TMBIM1: variants seen among roughly 807,000 people sequenced by gnomAD.
The protein encoded by TMBIM1 is protein lifeguard 3.
A neutral mutation model predicts 45.1 loss-of-function variants in TMBIM1; 34 were observed. That is an observed-to-expected ratio of 0.75 (90% CI 0.57 to 1.00). The LOEUF (loss-of-function observed/expected upper bound fraction) is 1.00, where lower values mean the gene tolerates loss of function less well. Among genes scored for constraint, TMBIM1 ranks in the 50% least tolerant of loss-of-function variants. The pLI, the probability that TMBIM1 is intolerant of heterozygous loss-of-function variation, is 0.00. For synonymous variants in TMBIM1, 157 were observed against 153.5 expected, an observed-to-expected ratio of 1.02 and a Z score of -0.17; for missense variants, 374 against 402.4, an observed-to-expected ratio of 0.93 and a Z score of 0.60.
Position 218,279,327 on chromosome 2 carries a change from C to T in TMBIM1, c.330G>A (p.Leu110=). The T allele has an allele frequency of 6.3e-7, 1 of 1,588,460 alleles. No homozygotes were observed. The highest frequency in any genetic ancestry group is 8.6e-7 in the Non-Finnish European group (1 of 1,167,496). ...TAGCAATGATGGCCACAGTGATGAG[C>T]AGCTGCACGGAGATGATGGAGTAAA... ...RKVYSIISVQ[L]LITVAIIAIF... is the part of the protein sequence containing the mutation. Residue 110 remains leucine, a synonymous_variant, in exon 4 of 12, where the codon CTG becomes CTA. Coordinates refer to ENST00000258412, the MANE Select transcript of TMBIM1 (RefSeq NM_022152.6).
In TMBIM1 at chr2:218,282,057, G is replaced by T. The variant is rs752433040; in HGVS notation, c.85C>A (p.Pro29Thr). 3.1e-6 allele frequency: 5 copies of T among 1,599,722 alleles called. No individual in the cohort carries two copies. The Admixed American group carries it at 8.7e-5, about 28-fold the overall frequency. The change falls in exon 2 of 12, where the codon CCA becomes ACA. Residue 29 changes from proline (P) to threonine (T), a missense_variant. Coordinates refer to ENST00000258412, the MANE Select transcript of TMBIM1 (RefSeq NM_022152.6). Reference sequence around the variant, plus strand: ...GGATACCCTCCTGGCAGGACAGATGGCTGCCCATAGCCCCCAGGGGGCGGA... The same window carrying T: ...GGATACCCTCCTGGCAGGACAGATGTCTGCCCATAGCCCCCAGGGGGCGGA... ...GPPPPGGYGQ[P>T]SVLPGGYPAY...
intron 1 of TMBIM1, among the ~76,000 whole-genome samples, chr2:218,283,479 T>C (rs1692230764): frequency 6.6e-6 from 1 of 152,104 alleles, no homozygotes; most frequent in Non-Finnish European, 1.5e-5. Context: ...AGAGGGCCCC[T>C]GCATCCCCAG....
In TMBIM1 at chr2:218,282,195, G is replaced by T; in HGVS notation, c.-40-14C>A. 1 of 1,374,386 alleles carries T rather than the reference G, an allele frequency of 7.3e-7. No individual in the cohort carries two copies. The highest frequency in any genetic ancestry group is 9.6e-7 in the Non-Finnish European group (1 of 1,040,780). 85.1% of individuals were successfully genotyped at this position (1,374,386 alleles called of 1,614,324 possible). A position where few individuals can be genotyped will look rare whatever the true frequency, so the allele number is the denominator to read the frequency against. On this transcript the variant is annotated splice_polypyrimidine_tract_variant and intron_variant, in intron 1 of 11. Coordinates refer to ENST00000258412, the MANE Select transcript of TMBIM1 (RefSeq NM_022152.6). ...AGCTGCTGGGACCTGAAATGGGAGA[G>T]GAGAAAAGCAATCGTGAATGCCCAG... is the stretch of plus-strand genomic sequence containing the variant.
At position 218,280,226 on chromosome 2, in the gene TMBIM1, A is replaced by C. The variant is rs192562935; in HGVS notation, c.203-100T>G. 3.8e-4 allele frequency: 333 copies of C among 869,864 alleles called. 1 individual carries two copies. In the African/African-American group the frequency reaches 5.1e-3, roughly 13 times the overall value. The allele number at this position is 869,864 out of a possible 1,614,324, so 53.9% of individuals were successfully genotyped here. On this transcript the variant is annotated intron_variant, in intron 2 of 11. Coordinates refer to ENST00000258412, the MANE Select transcript of TMBIM1 (RefSeq NM_022152.6). ...CTCAAAGTCTCAGGGATCTCCAGCCAAAAGACAAGTGTTATAACAGGAACT... is the reference window on the plus strand; with the variant it reads ...CTCAAAGTCTCAGGGATCTCCAGCCCAAAGACAAGTGTTATAACAGGAACT...
chr2:218,278,817 G>T (rs570943410), intron 5 of TMBIM1, among the ~76,000 whole-genome samples: 27 of 152,342 alleles, frequency 1.8e-4, no homozygotes, highest in Non-Finnish European at 3.1e-4. Flanking sequence ...GCAGCGCAGC[G>T]TGCACGCCAC....
intron 1 of TMBIM1, among the ~76,000 whole-genome samples, chr2:218,285,124 T>G (rs1692403514): frequency 1.3e-5 from 2 of 152,264 alleles, no homozygotes; most frequent in South Asian, 4.1e-4. Context: ...CATAAAGTGC[T>G]TAGAATGAAA....
intron 5 of TMBIM1, 143 bp downstream of exon 5, chr2:218,278,895 C>T (rs1395920174): frequency 2.0e-5 from 19 of 929,010 alleles, no homozygotes; most frequent in Non-Finnish European, 2.6e-5. Flanking sequence ...CGCACACCCA[C>T]ACCCTCTGGC....
rs1691726750 is a variant in TMBIM1 at position 218,280,109 on chromosome 2, C to T, written c.220G>A (p.Asp74Asn). The stretch of plus-strand genomic sequence containing the variant: ...TCACTCACTGCTCTCTCCTCCCCAT[C>T]ATAGCCATGGCCTGGGCCTAGGGAC... The part of the protein sequence containing the change: ...PMNYGPGHGY[D>N]GEERAVSDSF... The change falls in exon 3 of 12, where the codon GAT (aspartate) becomes AAT (asparagine). Residue 74 changes from aspartate (D) to asparagine (N), a missense_variant. Transcript: ENST00000258412. 1.9e-6 allele frequency: 3 copies of T among 1,614,126 alleles called. No individual in the cohort carries two copies. The highest frequency in any genetic ancestry group is 2.5e-6 in the Non-Finnish European group (3 of 1,179,932).
chr2:218,278,411 A>C (rs917720659), intron 6 of TMBIM1, 104 bp downstream of exon 6: 7 of 1,192,194 alleles, frequency 5.9e-6, no homozygotes, highest in Non-Finnish European at 8.7e-6. Context: ...CATTTCTTGT[A>C]AGTTTCCATT....
chr2:218,284,022 G>A (rs1692280137), intron 1 of TMBIM1: 2 of 152,182 alleles, frequency 1.3e-5, no homozygotes, highest in African/African-American at 4.8e-5. Context: ...AAATTAGCCA[G>A]GCATGGTGGC....
At chr2:218,291,256 C>T (rs539878127) in intron 1 of TMBIM1, among the ~76,000 whole-genome samples, 1 of 152,300 alleles carries the variant, frequency 6.6e-6, no homozygotes, top group Non-Finnish European at 1.5e-5. Flanking sequence ...TGTGGTCCTG[C>T]CTCTTCCATT....
At chr2:218,286,698 G>C (rs1207985562) in intron 1 of TMBIM1, 1 of 152,318 alleles carries the variant, frequency 6.6e-6, no homozygotes, top group Non-Finnish European at 1.5e-5. Flanking sequence ...GCTCTCCTGG[G>C]GGTATTTGAA....
chr2:218,290,906 G>T (rs1692888965), intron 1 of TMBIM1, among the ~76,000 whole-genome samples: 1 of 152,226 alleles, frequency 6.6e-6, no homozygotes, highest in Non-Finnish European at 1.5e-5. Flanking sequence ...GTTGTTAGCA[G>T]AACTTCTTCC....
At chr2:218,289,980 T>C (rs1241342125) in intron 1 of TMBIM1, 1 of 152,126 alleles carries the variant, frequency 6.6e-6, no homozygotes. Flanking sequence ...GTTCATGAAC[T>C]AGCTGCAGGA....
intron 1 of TMBIM1, among the ~76,000 whole-genome samples, chr2:218,289,610 C>A (rs1692793605): frequency 8.0e-6 from 1 of 125,424 alleles, no homozygotes; most frequent in African/African-American, 3.0e-5. Context: ...CCACTGCACT[C>A]CAGCCTGGGC....
At chr2:218,285,685 TAG>T in intron 1 of TMBIM1, 1 of 152,454 alleles carries the variant, frequency 6.6e-6, no homozygotes, top group Middle Eastern at 3.4e-3. Context: ...GCTGTCTACA[TAG>T]AGAGACCTGG....
In TMBIM1 at chr2:218,275,226, A is replaced by G. The variant is rs1691074506; in HGVS notation, c.*249T>C. ...GTGTCATACAGTAGGTGGCGGGGAGAAGACACATCTTCAGCCTAGTCCCTG... is the reference window on the plus strand; with the variant it reads ...GTGTCATACAGTAGGTGGCGGGGAGGAGACACATCTTCAGCCTAGTCCCTG... On this transcript the variant is annotated 3_prime_UTR_variant, in exon 12 of 12. Transcript: ENST00000258412. The G allele has an allele frequency of 2.5e-6, 1 of 393,456 alleles. No homozygotes were observed. Among genetic ancestry groups the G allele is most frequent in the Non-Finnish European group, 4.5e-6 (1 of 222,668 alleles). 24.4% of individuals were successfully genotyped at this position (393,456 alleles called of 1,614,324 possible). A position where few individuals can be genotyped will look rare whatever the true frequency, so the allele number is the denominator to read the frequency against.
intron 1 of TMBIM1, chr2:218,285,882 G>T (rs1692465118): frequency 6.5e-6 from 1 of 153,380 alleles, no homozygotes; most frequent in Non-Finnish European, 1.5e-5. Flanking sequence ...GAGGGCCCTG[G>T]CCACTTCCAC....
At chr2:218,288,439 T>C (rs1692701754) in intron 1 of TMBIM1, among the ~76,000 whole-genome samples, 1 of 151,860 alleles carries the variant, frequency 6.6e-6, no homozygotes, top group Non-Finnish European at 1.5e-5. Flanking sequence ...AAAAAATAAA[T>C]AAATAAAATA....
Sources: gnomAD v4.1 joint callset for allele counts (sites outside exome capture counted in the v4.1 genomes callset) on GRCh38, gnomAD v4.1.1 for gene constraint, MANE v1.5 for transcripts, NCBI Gene and HGNC (gene_info 2026-07-23, HGNC 2026-07-21) for gene names.